The following ESRP1 variants were observed in gnomAD, a reference collection of about 807,000 sequenced individuals.
ESRP1 encodes the protein epithelial splicing regulatory protein 1, also known as RNA-binding motif protein 35A.
ESRP1 carries 33 observed loss-of-function variants against 81.7 expected under a neutral mutation model. The observed-to-expected ratio is 0.40, with a 90% CI of 0.31 to 0.54. The LOEUF (loss-of-function observed/expected upper bound fraction) is 0.54, where lower values mean the gene tolerates loss of function less well. ESRP1 is among the 20% of genes least tolerant of loss of function. The pLI, the probability that ESRP1 is intolerant of heterozygous loss-of-function variation, is 0.41. For missense variants in ESRP1, 672 were observed against 833.1 expected (o/e 0.81, Z 2.38); for synonymous variants, 320 against 303.3 (o/e 1.06, Z -0.57).
At chr8:94,673,240 C>T (rs1252900981) in intron 11 of ESRP1, among the ~76,000 whole-genome samples, 1 of 152,202 alleles carries the variant, frequency 6.6e-6, no homozygotes, top group Non-Finnish European at 1.5e-5. Context: ...TATTGAGTCA[C>T]CACTTCTAAT....
intron 15 of ESRP1, among the ~76,000 whole-genome samples, chr8:94,699,534 G>A (rs1161799306): frequency 5.3e-5 from 8 of 152,094 alleles, no homozygotes; most frequent in East Asian, 1.9e-4. Context: ...CGGCTACTCC[G>A]GAGGCTGAGG....
intron 15 of ESRP1, among the ~76,000 whole-genome samples, chr8:94,700,561 G>A (rs1009963332): frequency 1.2e-4 from 19 of 152,196 alleles, no homozygotes; most frequent in Admixed American, 4.6e-4. Context: ...AATTGTTAGA[G>A]AATGAATACC....
chr8:94,680,265 G>A (rs964491618), intron 13 of ESRP1, among the ~76,000 whole-genome samples: 1 of 152,100 alleles, frequency 6.6e-6, no homozygotes, highest in Non-Finnish European at 1.5e-5. Context: ...AACCCCTAGA[G>A]TGTGTTATTT....
intron 13 of ESRP1, 120 bp downstream of exon 13, chr8:94,678,491 G>A (rs1246233869): frequency 9.4e-6 from 11 of 1,168,812 alleles, no homozygotes; most frequent in Non-Finnish European, 1.1e-5. Flanking sequence ...GCAGGCCACA[G>A]CCTCTGGTCA....
rs927506105 is a variant in ESRP1 at position 94,670,371 on chromosome 8, G to A, written c.1234-1082G>A. Among the ~76,000 whole-genome samples the A allele has an allele frequency of 2.6e-4, 40 of 151,944 alleles. 1 individual carries two copies. On this transcript the variant is annotated intron_variant, in intron 10 of 15. Transcript: ENST00000433389. ...TTCTTCTAATGTTTTTGCTGTGTCT[G>A]GATTGTTTATATAACTTCTTATTAA...
intron 9 of ESRP1, among the ~76,000 whole-genome samples, chr8:94,665,609 C>T (rs1032792452): frequency 1.3e-5 from 2 of 152,020 alleles, no homozygotes; most frequent in Non-Finnish European, 1.5e-5. Context: ...CTTGTGCCTC[C>T]GCCTCCGTAG....
chr8:94,651,751 G>A (rs1487429921), intron 4 of ESRP1, among the ~76,000 whole-genome samples: 1 of 151,678 alleles, frequency 6.6e-6, no homozygotes, highest in Non-Finnish European at 1.5e-5. Flanking sequence ...CAGGTAGCTG[G>A]GACTATAGGA....
Position 94,642,049 on chromosome 8 carries a change from T to C in ESRP1, c.226T>C (p.Ser76Pro), listed in dbSNP as rs989517392. The C allele has an allele frequency of 6.2e-7, 1 of 1,613,416 alleles. No individual in the cohort carries two copies. The highest frequency in any genetic ancestry group is 8.5e-7 in the Non-Finnish European group (1 of 1,179,868). The change falls in exon 2 of 16, where the codon TCC becomes CCC. Residue 76 changes from serine (S) to proline (P), a missense_variant. Coordinates refer to ENST00000433389, the MANE Select transcript of ESRP1 (RefSeq NM_017697.4). ...AACTAAAATAGACGTCGAAAGCCTGTCCTCGGCGTCGCAGCTGGACCAAGC... is the reference window on the plus strand; with the variant it reads ...AACTAAAATAGACGTCGAAAGCCTGCCCTCGGCGTCGCAGCTGGACCAAGC... ...EETKIDVESLSSASQLDQALR... is the reference protein window; with the variant it reads ...EETKIDVESLPSASQLDQALR...
chr8:94,665,049 G>A lies in ESRP1; in HGVS notation c.878G>A (p.Arg293Gln). The A allele has an allele frequency of 1.9e-6, 3 of 1,613,536 alleles. No individual in the cohort carries two copies. Among genetic ancestry groups the A allele is most frequent in the South Asian group, 1.1e-5 (1 of 91,020 alleles). The stretch of plus-strand genomic sequence containing the variant: ...AGGCACAAACATCACATGGGGACCC[G>A]GTATATTGAGGTATGTCCTCAAAAC... ...LQRHKHHMGT[R>Q]YIEVYKATGE... is the part of the protein sequence containing the mutation. The change falls in exon 8 of 16, where the codon CGG (arginine) becomes CAG (glutamine). Residue 293 changes from arginine (R) to glutamine (Q), a missense_variant. By Grantham distance (43) the Arg-to-Gln change is conservative. Coordinates refer to ENST00000433389, the MANE Select transcript of ESRP1 (RefSeq NM_017697.4).
intron 9 of ESRP1, among the ~76,000 whole-genome samples, chr8:94,666,460 G>A (rs954647086): frequency 2.6e-5 from 4 of 152,126 alleles, no homozygotes; most frequent in Admixed American, 6.6e-5. Context: ...CCACTCATTG[G>A]GATAAATCTC....
At chr8:94,655,032 G>A (rs894624922) in intron 4 of ESRP1, among the ~76,000 whole-genome samples, 1 of 151,188 alleles carries the variant, frequency 6.6e-6, no homozygotes, top group Non-Finnish European at 1.5e-5. Context: ...TTAAGTATGT[G>A]TGTATCTGTG....
At chr8:94,665,808 T>C (rs1456554517) in intron 9 of ESRP1, among the ~76,000 whole-genome samples, 1 of 152,110 alleles carries the variant, frequency 6.6e-6, no homozygotes, top group Non-Finnish European at 1.5e-5. Context: ...AATGATATTC[T>C]TGAAAAGAGT....
intron 10 of ESRP1, among the ~76,000 whole-genome samples, chr8:94,670,074 G>C (rs924924808): frequency 1.3e-5 from 2 of 152,028 alleles, no homozygotes; most frequent in Non-Finnish European, 2.9e-5. Context: ...TGCAGAGCCT[G>C]GGCTACTCTG....
chr8:94,657,913 T>A (rs1366699967), intron 4 of ESRP1, among the ~76,000 whole-genome samples: 1 of 152,072 alleles, frequency 6.6e-6, no homozygotes, highest in Non-Finnish European at 1.5e-5. Flanking sequence ...CATCACTCAA[T>A]CCCAGTGGTT....
chr8:94,698,087 C>T (rs1225235565), intron 15 of ESRP1, among the ~76,000 whole-genome samples: 2 of 152,122 alleles, frequency 1.3e-5, no homozygotes, highest in Non-Finnish European at 2.9e-5. Context: ...AGCCTGTTTC[C>T]TCTTTTAAAA....
At position 94,678,355 on chromosome 8, in the gene ESRP1, A is replaced by G. The variant is rs754920043; in HGVS notation, c.1804A>G (p.Thr602Ala). The change falls in exon 13 of 16, where the codon ACA (threonine) becomes GCA (alanine). Residue 602 changes from threonine to alanine, a missense_variant. By Grantham distance (58) the Thr-to-Ala change is moderately conservative (BLOSUM62 0). Transcript: ENST00000433389. ...PAGTQLFMNY[T>A]AYYPSPPGSP... ...AGGCACTCAGCTCTTCATGAATTAC[A>G]CAGCGTACTATCCCAGGTAAGGCTC... 3 of 1,613,892 alleles carry G rather than the reference A, an allele frequency of 1.9e-6. No individual in the cohort carries two copies. Among genetic ancestry groups the G allele is most frequent in the Non-Finnish European group, 2.5e-6 (3 of 1,179,840 alleles).
intron 2 of ESRP1, 51 bp from the exon 3 acceptor site, chr8:94,643,252 G>A (rs1260927705): frequency 1.6e-6 from 2 of 1,288,416 alleles, no homozygotes; most frequent in East Asian, 4.6e-5. Context: ...ACTTTGCAGA[G>A]TTTGTAAATC....
chr8:94,668,408 C>A, intron 10 of ESRP1, 158 bp downstream of exon 10: 1 of 646,050 alleles, frequency 1.5e-6, no homozygotes, highest in South Asian at 2.2e-5. Context: ...CAAGAGATAG[C>A]CGCTGTTATC....
intron 4 of ESRP1, among the ~76,000 whole-genome samples, chr8:94,648,858 A>G (rs1393341024): frequency 6.6e-6 from 1 of 152,262 alleles, no homozygotes; most frequent in East Asian, 1.9e-4. Flanking sequence ...GTGATGTCAC[A>G]ATATTCTAAG....
Sources: gnomAD v4.1 joint callset for allele counts (sites outside exome capture counted in the v4.1 genomes callset) on GRCh38, gnomAD v4.1.1 for gene constraint, MANE v1.5 for transcripts, NCBI Gene and HGNC (gene_info 2026-07-23, HGNC 2026-07-21) for gene names.